Variants in PPM1E observed in about 807,000 individuals in gnomAD.
PPM1E encodes protein phosphatase, Mg2+/Mn2+ dependent 1E, also known as protein phosphatase 1E.
Under a neutral mutation model 65.9 loss-of-function variants are expected in PPM1E, and 20 were observed. That is an observed-to-expected ratio of 0.30 (90% CI 0.21 to 0.44). The LOEUF (loss-of-function observed/expected upper bound fraction) is 0.44, where lower values mean the gene tolerates loss of function less well. PPM1E is among the 20% of genes least tolerant of loss of function. The probability of loss-of-function intolerance (pLI) is 1.00; values close to 1 mark genes in which losing one functional copy is unlikely to be tolerated. For missense variants in PPM1E, 713 were observed against 953.1 expected (o/e 0.75, Z 3.32); for synonymous variants, 352 against 374.9 (o/e 0.94, Z 0.70).
intron 1 of PPM1E, among the ~76,000 whole-genome samples, chr17:58,845,974 C>A (rs2050767430): frequency 6.6e-6 from 1 of 152,202 alleles, no homozygotes; most frequent in Admixed American, 6.5e-5. Flanking sequence ...AGCCACCGTG[C>A]CCAGCCAAAA....
chr17:58,970,600 G>T (rs948965838), intron 4 of PPM1E, among the ~76,000 whole-genome samples: 6 of 152,094 alleles, frequency 3.9e-5, no homozygotes, highest in Non-Finnish European at 7.4e-5. Flanking sequence ...AGCAATAATG[G>T]GGCTTAGAAT....
At chr17:58,797,830 A>G (rs2050220732) in intron 1 of PPM1E, among the ~76,000 whole-genome samples, 1 of 152,214 alleles carries the variant, frequency 6.6e-6, no homozygotes, top group South Asian at 2.1e-4. Context: ...TGTGGCCACG[A>G]AAAATGTATG....
chr17:58,970,428 C>A (rs906188670), intron 4 of PPM1E, among the ~76,000 whole-genome samples: 1 of 151,600 alleles, frequency 6.6e-6, no homozygotes, highest in African/African-American at 2.4e-5. Flanking sequence ...TAACTGGGGA[C>A]GAATAAAAGA....
At position 58,755,866 on chromosome 17, in the gene PPM1E, C is replaced by G. The variant is rs527327842; in HGVS notation, c.-132C>G. ...GCCTGCGGGAGCCCTCTCCAGGCAA[C>G]CTAGTGCTGATCGCTCGTGCCGGTG... On this transcript the variant is annotated 5_prime_UTR_variant, in exon 1 of 7. Transcript: ENST00000308249. 4 of 1,489,498 alleles carry G rather than the reference C, an allele frequency of 2.7e-6. No homozygotes were observed. The highest frequency in any genetic ancestry group is 4.8e-5 in the East Asian group (2 of 41,754). The allele number at this position is 1,489,498 out of a possible 1,614,324, so 92.3% of individuals were successfully genotyped here. A position where few individuals can be genotyped will look rare whatever the true frequency, so the allele number is the denominator to read the frequency against.
At chr17:58,776,043 A>G (rs1385311909) in intron 1 of PPM1E, among the ~76,000 whole-genome samples, 3 of 151,856 alleles carry the variant, frequency 2.0e-5, no homozygotes, top group African/African-American at 7.3e-5. Flanking sequence ...AAATAAATAA[A>G]TAAAAAATAA....
intron 1 of PPM1E, among the ~76,000 whole-genome samples, chr17:58,774,892 C>T (rs568287173): frequency 6.6e-6 from 1 of 151,442 alleles, no homozygotes; most frequent in East Asian, 1.9e-4. Context: ...CTTCCTCTGT[C>T]TCCAGGCTGG....
At chr17:58,946,308 A>G (rs937975012) in intron 1 of PPM1E, among the ~76,000 whole-genome samples, 2 of 152,302 alleles carry the variant, frequency 1.3e-5, no homozygotes, top group African/African-American at 4.8e-5. Context: ...TTTATTTCCA[A>G]TTATGTCACA....
At chr17:58,882,082 T>G (rs2051201895) in intron 1 of PPM1E, among the ~76,000 whole-genome samples, 1 of 151,060 alleles carries the variant, frequency 6.6e-6, no homozygotes, top group Non-Finnish European at 1.5e-5. Flanking sequence ...GAGGTGGAAG[T>G]ATCACCTGAT....
intron 1 of PPM1E, among the ~76,000 whole-genome samples, chr17:58,833,387 C>T (rs566863417): frequency 1.1e-4 from 16 of 150,222 alleles, no homozygotes; most frequent in Non-Finnish European, 1.9e-4. Flanking sequence ...CCTCACCGCA[C>T]CCCCACAGAA....
chr17:58,873,403 C>A (rs1187901460), intron 1 of PPM1E, among the ~76,000 whole-genome samples: 1 of 151,896 alleles, frequency 6.6e-6, no homozygotes, highest in Non-Finnish European at 1.5e-5. Flanking sequence ...TCTGAAATAT[C>A]AAACATTGAA....
At chr17:58,967,504 G>GTATATA (rs892635358) in intron 3 of PPM1E, among the ~76,000 whole-genome samples, 40 of 148,496 alleles carry the variant, frequency 2.7e-4, no homozygotes, top group African/African-American at 9.9e-4. Flanking sequence ...ATATATATGT[G>GTATATA]TATATATATA....
At chr17:58,815,289 C>T (rs903417691) in intron 1 of PPM1E, among the ~76,000 whole-genome samples, 1 of 152,122 alleles carries the variant, frequency 6.6e-6, no homozygotes, top group Admixed American at 6.6e-5. Context: ...TAACAGGGAA[C>T]CTGAAGCCTA....
chr17:58,907,522 G>C (rs1567871522), intron 1 of PPM1E, among the ~76,000 whole-genome samples: 1 of 152,172 alleles, frequency 6.6e-6, no homozygotes, highest in Non-Finnish European at 1.5e-5. Context: ...TGGTGTTGTT[G>C]AGTTCAACTA....
chr17:58,804,289 T>G (rs542673229), intron 1 of PPM1E, among the ~76,000 whole-genome samples: 8 of 152,372 alleles, frequency 5.3e-5, no homozygotes, highest in African/African-American at 1.9e-4. Flanking sequence ...TGATTGGTTT[T>G]GAAAACTTTT....
At chr17:58,857,865 C>T (rs1000157177) in intron 1 of PPM1E, among the ~76,000 whole-genome samples, 4 of 152,112 alleles carry the variant, frequency 2.6e-5, no homozygotes, top group Admixed American at 6.5e-5. Context: ...GCTACTCTAT[C>T]GTAGCAGATA....
At chr17:58,975,949 A>G (rs953831497) in intron 6 of PPM1E, among the ~76,000 whole-genome samples, 1 of 152,206 alleles carries the variant, frequency 6.6e-6, no homozygotes, top group Non-Finnish European at 1.5e-5. Flanking sequence ...ACTAATCAAC[A>G]AACAATCTGG....
chr17:58,850,292 G>A (rs2050813491), intron 1 of PPM1E, among the ~76,000 whole-genome samples: 1 of 152,128 alleles, frequency 6.6e-6, no homozygotes, highest in South Asian at 2.1e-4. Context: ...GGTTAATATT[G>A]TTATGTGTGA....
intron 1 of PPM1E, among the ~76,000 whole-genome samples, chr17:58,804,580 G>C (rs981110590): frequency 5.3e-5 from 8 of 151,978 alleles, no homozygotes; most frequent in African/African-American, 1.9e-4. Context: ...ACTCACTTAA[G>C]TTTCATTATT....
chr17:58,967,737 G>A (rs973627937), intron 3 of PPM1E, among the ~76,000 whole-genome samples: 3 of 150,450 alleles, frequency 2.0e-5, no homozygotes, highest in Non-Finnish European at 4.4e-5. Flanking sequence ...GTGCTATTTC[G>A]AGTTGTTTAA....
Sources: allele counts gnomAD v4.1 joint callset (sites outside exome capture counted in the v4.1 genomes callset), GRCh38; gene constraint gnomAD v4.1.1; transcripts MANE v1.5; gene names NCBI Gene and HGNC (gene_info 2026-07-23, HGNC 2026-07-21).